Variants in PHKB observed in about 807,000 individuals in gnomAD.
PHKB encodes phosphorylase b kinase regulatory subunit beta.
In PHKB, 122 loss-of-function variants were observed where a neutral mutation model predicts 152.1. That is an observed-to-expected ratio of 0.80 (90% CI 0.69 to 0.93). The LOEUF is 0.93. PHKB is among the 40% of genes least tolerant of loss of function. PHKB has a pLI of 0.00. For missense variants in PHKB, 1,304 were observed against 1,328.4 expected, an observed-to-expected ratio of 0.98 and a Z score of 0.29; for synonymous variants, 436 against 464.9, an observed-to-expected ratio of 0.94 and a Z score of 0.80.
chr16:47,478,929 A>G (rs1205866761), intron 1 of PHKB, among the ~76,000 whole-genome samples: 1 of 152,210 alleles, frequency 6.6e-6, no homozygotes, highest in East Asian at 1.9e-4. Flanking sequence ...AAAATAATGA[A>G]TGTATTTTAA....
intron 14 of PHKB, among the ~76,000 whole-genome samples, chr16:47,629,581 G>C (rs1345509033): frequency 6.7e-5 from 10 of 150,022 alleles, no homozygotes; most frequent in East Asian, 1.9e-4. Flanking sequence ...TGGTGGGACT[G>C]TAAACTAGTT....
At chr16:47,688,099 G>T (rs1047117296) in intron 26 of PHKB, among the ~76,000 whole-genome samples, 3 of 152,206 alleles carry the variant, frequency 2.0e-5, no homozygotes, top group East Asian at 1.9e-4. Context: ...AAGAGAAGGC[G>T]TGGGGGAGAA....
chr16:47,566,437 G>A (rs1971568415), intron 7 of PHKB: 1 of 1,609,470 alleles, frequency 6.2e-7, no homozygotes. Context: ...TTGAGACTCA[G>A]GGCACTGAGC....
At chr16:47,547,174 C>T (rs986413147) in intron 6 of PHKB, among the ~76,000 whole-genome samples, 6 of 152,178 alleles carry the variant, frequency 3.9e-5, no homozygotes, top group African/African-American at 1.4e-4. Context: ...CAGAAATCAC[C>T]CGTCTTCTGT....
intron 6 of PHKB, among the ~76,000 whole-genome samples, chr16:47,523,520 G>C (rs995353430): frequency 6.6e-6 from 1 of 152,156 alleles, no homozygotes; most frequent in Admixed American, 6.5e-5. Flanking sequence ...GCTCTCATAG[G>C]AAGTGCCCAA....
intron 8 of PHKB, among the ~76,000 whole-genome samples, chr16:47,580,693 A>G (rs540936926): frequency 6.6e-6 from 1 of 151,928 alleles, no homozygotes; most frequent in African/African-American, 2.4e-5. Context: ...TTGTATATAT[A>G]TATTTTTATG....
At chr16:47,665,973 A>G in intron 25 of PHKB, 6 of 1,614,026 alleles carry the variant, frequency 3.7e-6, no homozygotes, top group Non-Finnish European at 5.1e-6. Flanking sequence ...AAGTCTTTTA[A>G]GTAAAGTAGT....
chr16:47,678,469 G>C (rs1973779205), intron 26 of PHKB, among the ~76,000 whole-genome samples: 2 of 152,048 alleles, frequency 1.3e-5, no homozygotes, highest in Admixed American at 1.3e-4. Flanking sequence ...ATTCTAACTG[G>C]TGTGAGATGG....
intron 25 of PHKB, chr16:47,665,552 T>G: frequency 3.4e-6 from 1 of 294,774 alleles, no homozygotes; most frequent in Non-Finnish European, 6.5e-6. Flanking sequence ...GTTATAGAAA[T>G]AGGTCACATG....
At chr16:47,683,374 G>GAGGC (rs1224385276) in intron 26 of PHKB, among the ~76,000 whole-genome samples, 1 of 152,240 alleles carries the variant, frequency 6.6e-6, no homozygotes, top group Non-Finnish European at 1.5e-5. Flanking sequence ...GGAGCCTACA[G>GAGGC]AGGCAGGCAG....
chr16:47,651,427 G>A (rs1037833518), intron 20 of PHKB, among the ~76,000 whole-genome samples: 1 of 152,172 alleles, frequency 6.6e-6, no homozygotes, highest in African/African-American at 2.4e-5. Context: ...AATAATTACT[G>A]TGTCTTGAAT....
chr16:47,683,147 G>A (rs559708723), intron 26 of PHKB, among the ~76,000 whole-genome samples: 6 of 152,104 alleles, frequency 3.9e-5, no homozygotes, highest in East Asian at 1.9e-4. Flanking sequence ...AGGAGTACCC[G>A]GCCATGTAAG....
intron 4 of PHKB, among the ~76,000 whole-genome samples, chr16:47,507,132 C>A (rs975080756): frequency 1.3e-5 from 2 of 152,048 alleles, no homozygotes; most frequent in African/African-American, 4.8e-5. Flanking sequence ...CACCAACACA[C>A]CCAGCTAATT....
chr16:47,587,158 G>A (rs1344644582), intron 8 of PHKB, among the ~76,000 whole-genome samples: 2 of 152,134 alleles, frequency 1.3e-5, no homozygotes, highest in South Asian at 2.1e-4. Flanking sequence ...AGTGCCTGAT[G>A]TGGTGAATAT....
At chr16:47,588,062 A>T (rs559184726) in intron 9 of PHKB, among the ~76,000 whole-genome samples, 1 of 152,274 alleles carries the variant, frequency 6.6e-6, no homozygotes, top group East Asian at 1.9e-4. Context: ...GCCATGGTAT[A>T]TTAGAAAAAT....
chr16:47,547,742 C>T, intron 7 of PHKB, 194 bp downstream of exon 7: 1 of 543,742 alleles, frequency 1.8e-6, no homozygotes, highest in South Asian at 2.0e-5. Context: ...TAAACAGATG[C>T]AAGAAAGAAG....
intron 3 of PHKB, 67 bp from the exon 4 acceptor site, chr16:47,502,924 A>T (rs1970346434): frequency 1.4e-5 from 14 of 1,001,874 alleles, no homozygotes; most frequent in Non-Finnish European, 2.2e-5. Context: ...ATACTTAATT[A>T]TCAAAAGCTC....
At chr16:47,565,169 A>G (rs906784524) in intron 7 of PHKB, 114 of 565,076 alleles carry the variant, frequency 2.0e-4, no homozygotes, top group Middle Eastern at 1.2e-3. Flanking sequence ...CTTGGAAGCT[A>G]GATTTTCCTT....
chr16:47,486,413 T>C (rs1007736128), intron 1 of PHKB, among the ~76,000 whole-genome samples: 2 of 152,234 alleles, frequency 1.3e-5, no homozygotes, highest in Non-Finnish European at 2.9e-5. Context: ...CTGAAGATGA[T>C]GTAATTTAAA....
Sources: allele counts gnomAD v4.1 joint callset (sites outside exome capture counted in the v4.1 genomes callset), GRCh38; gene constraint gnomAD v4.1.1; transcripts MANE v1.5; gene names NCBI Gene and HGNC (gene_info 2026-07-23, HGNC 2026-07-21).